SEL1L3: variants seen among roughly 807,000 people sequenced by gnomAD.
SEL1L3 encodes protein sel-1 homolog 3.
SEL1L3 carries 76 observed loss-of-function variants against 142.8 expected under a neutral mutation model. The ratio of observed to expected loss-of-function variants is 0.53; its 90% CI spans 0.44 to 0.64. The LOEUF (loss-of-function observed/expected upper bound fraction) is 0.64, where lower values mean the gene tolerates loss of function less well. Ranked by LOEUF, SEL1L3 falls within the 30% of genes least tolerant of loss-of-function variation. The pLI, the probability that SEL1L3 is intolerant of heterozygous loss-of-function variation, is 0.00. For missense variants in SEL1L3, 1,262 were observed against 1,381.7 expected, an observed-to-expected ratio of 0.91 and a Z score of 1.37; for synonymous variants, 504 against 519.6, an observed-to-expected ratio of 0.97 and a Z score of 0.41.
At chr4:25,806,604 G>A (rs1472863026) in intron 9 of SEL1L3, among the ~76,000 whole-genome samples, 5 of 152,124 alleles carry the variant, frequency 3.3e-5, no homozygotes, top group African/African-American at 1.2e-4. Context: ...CTGAGATGGG[G>A]ACACTGTGCC....
chr4:25,778,847 TA>T (rs1244137665), intron 16 of SEL1L3, among the ~76,000 whole-genome samples: 2 of 152,092 alleles, frequency 1.3e-5, no homozygotes, highest in Non-Finnish European at 1.5e-5. Flanking sequence ...AAATAGAGTC[TA>T]GGGGTGGGAT....
Position 25,776,226 on chromosome 4 carries a change from A to G in SEL1L3, c.2669+51T>C, listed in dbSNP as rs1719611947. ...TTTTAAGACTCCATTTCATAAGACT[A>G]TACTGACAGACAGGGAAAAAAGTTT... On this transcript the variant is annotated intron_variant, in intron 17 of 23. Transcript: ENST00000399878. 7 of 1,201,868 alleles carry G rather than the reference A, an allele frequency of 5.8e-6. No individual in the cohort carries two copies. The East Asian group carries it at 1.6e-4, about 28-fold the overall frequency. The allele number at this position is 1,201,868 out of a possible 1,614,324, so 74.5% of individuals were successfully genotyped here.
intron 5 of SEL1L3, among the ~76,000 whole-genome samples, chr4:25,831,506 TAA>T (rs1491403483): frequency 6.8e-4 from 64 of 93,454 alleles, no homozygotes; most frequent in South Asian, 1.2e-3. Flanking sequence ...ATAATAATAA[TAA>T]TAATTATTAT....
At chr4:25,845,239 T>C (rs1354861913) in intron 2 of SEL1L3, among the ~76,000 whole-genome samples, 3 of 152,182 alleles carry the variant, frequency 2.0e-5, no homozygotes, top group African/African-American at 7.2e-5. Flanking sequence ...AAAATAGTTT[T>C]AATTCAGCAC....
At chr4:25,761,174 A>G (rs1002406049) in intron 20 of SEL1L3, among the ~76,000 whole-genome samples, 3 of 152,186 alleles carry the variant, frequency 2.0e-5, no homozygotes, top group Admixed American at 1.3e-4. Context: ...AAAGAAAAAA[A>G]TGGCTTTATG....
the SEL1L3 span, among the ~76,000 whole-genome samples, chr4:25,730,077 G>A: frequency 7.4e-6 from 1 of 135,694 alleles, no homozygotes; most frequent in Non-Finnish European, 1.7e-5. Context: ...TCCTGCCTCA[G>A]CACCCGCCAC....
At position 25,782,559 on chromosome 4, in the gene SEL1L3, A is replaced by C. The variant is rs377595551; in HGVS notation, c.2281-141T>G. 7.0e-5 allele frequency: 51 copies of C among 726,850 alleles called. 1 individual carries two copies. The highest frequency in any genetic ancestry group is 4.1e-4 in the East Asian group (15 of 36,948). The allele number at this position is 726,850 out of a possible 1,614,324, so 45.0% of individuals were successfully genotyped here. ...TATTTTGGAGCAGATGGCATTAAAG[A>C]AAAGCTAAGTGCTAGAAAACACAAG... On this transcript the variant is annotated intron_variant, in intron 14 of 23. Coordinates refer to ENST00000399878, the MANE Select transcript of SEL1L3 (RefSeq NM_015187.5).
At chr4:25,822,520 T>C (rs1393451620) in intron 6 of SEL1L3, among the ~76,000 whole-genome samples, 3 of 152,208 alleles carry the variant, frequency 2.0e-5, no homozygotes, top group Non-Finnish European at 4.4e-5. Context: ...AATGGAATTG[T>C]CTGGAATTGT....
intron 2 of SEL1L3, among the ~76,000 whole-genome samples, chr4:25,838,955 A>T (rs573227176): frequency 6.6e-6 from 1 of 152,342 alleles, no homozygotes; most frequent in Admixed American, 6.5e-5. Flanking sequence ...ATGTGCTTCG[A>T]ACACACAGCA....
At chr4:25,775,777 C>G (rs1007885292) in intron 17 of SEL1L3, among the ~76,000 whole-genome samples, 2 of 152,168 alleles carry the variant, frequency 1.3e-5, no homozygotes, top group African/African-American at 2.4e-5. Flanking sequence ...TTTGTTTGTG[C>G]CATTGGATAC....
intron 10 of SEL1L3, among the ~76,000 whole-genome samples, chr4:25,803,314 G>A (rs976064468): frequency 5.9e-5 from 9 of 152,214 alleles, no homozygotes; most frequent in South Asian, 4.1e-4. Flanking sequence ...GACTGCTTCC[G>A]GGACTCAGGA....
At chr4:25,850,033 C>T (rs1294850146) in intron 1 of SEL1L3, among the ~76,000 whole-genome samples, 1 of 152,140 alleles carries the variant, frequency 6.6e-6, no homozygotes, top group African/African-American at 2.4e-5. Context: ...GGGAAAGGCA[C>T]TGCAAGGGGT....
the SEL1L3 span, among the ~76,000 whole-genome samples, chr4:25,724,980 C>T: frequency 6.6e-6 from 1 of 151,918 alleles, no homozygotes; most frequent in African/African-American, 2.4e-5. Flanking sequence ...GCATGAGTCC[C>T]ACTGAACAGC....
downstream of SEL1L3, among the ~76,000 whole-genome samples, chr4:25,744,555 C>T (rs1026750997): frequency 1.3e-5 from 2 of 151,932 alleles, no homozygotes; most frequent in African/African-American, 2.4e-5. Flanking sequence ...GGTTTCACCA[C>T]GTTGGCCAGG....
the SEL1L3 span, among the ~76,000 whole-genome samples, chr4:25,733,853 T>C: frequency 2.4e-4 from 37 of 152,280 alleles, no homozygotes; most frequent in African/African-American, 8.9e-4. Flanking sequence ...AGTACAATGC[T>C]GAGTAGGACT....
intron 23 of SEL1L3, among the ~76,000 whole-genome samples, chr4:25,751,188 C>T (rs544687709): frequency 1.3e-5 from 2 of 152,160 alleles, no homozygotes; most frequent in East Asian, 3.9e-4. Flanking sequence ...TTTTGTTTTT[C>T]AAAAGCCTGA....
At chr4:25,768,738 G>A (rs1718941727) in intron 17 of SEL1L3, among the ~76,000 whole-genome samples, 1 of 152,084 alleles carries the variant, frequency 6.6e-6, no homozygotes, top group African/African-American at 2.4e-5. Flanking sequence ...ACTTTCAGAT[G>A]TGGCCATTAA....
chr4:25,791,641 T>C (rs1712341783), intron 11 of SEL1L3, among the ~76,000 whole-genome samples: 1 of 152,132 alleles, frequency 6.6e-6, no homozygotes, highest in South Asian at 2.1e-4. Flanking sequence ...ATTTTCTTTG[T>C]TAGTTAATTA....
the SEL1L3 span, among the ~76,000 whole-genome samples, chr4:25,714,094 T>G: frequency 1.3e-5 from 2 of 152,286 alleles, 1 homozygote; most frequent in Middle Eastern, 6.8e-3. Flanking sequence ...GTACTTTTTG[T>G]CCCTTTGCTC....
Sources: allele counts gnomAD v4.1 joint callset (sites outside exome capture counted in the v4.1 genomes callset), GRCh38; gene constraint gnomAD v4.1.1; transcripts MANE v1.5; gene names NCBI Gene and HGNC (gene_info 2026-07-23, HGNC 2026-07-21).